SEPTIN3: variants seen among roughly 807,000 people sequenced by gnomAD.
The protein encoded by SEPTIN3 is septin 3.
SEPTIN3 carries 15 observed loss-of-function variants against 45.1 expected under a neutral mutation model. The observed-to-expected ratio is 0.33, with a 90% CI of 0.22 to 0.51. The LOEUF is 0.51. Ranked by LOEUF, SEPTIN3 falls within the 20% of genes least tolerant of loss-of-function variation. The probability of loss-of-function intolerance (pLI) is 0.97; values close to 1 mark genes in which losing one functional copy is unlikely to be tolerated. For missense variants in SEPTIN3, 289 were observed against 457.2 expected, an observed-to-expected ratio of 0.63 and a Z score of 3.35; for synonymous variants, 148 against 164.8, an observed-to-expected ratio of 0.90 and a Z score of 0.78.
chr22:41,974,083 G>C (rs1269242530), intron 2 of SEPTIN3, among the ~76,000 whole-genome samples: 5 of 150,338 alleles, frequency 3.3e-5, no homozygotes, highest in Non-Finnish European at 7.4e-5. Flanking sequence ...AATTGCTTGA[G>C]CCCAGGAGGT....
intron 2 of SEPTIN3, among the ~76,000 whole-genome samples, chr22:41,979,793 C>G (rs2078092427): frequency 6.6e-6 from 1 of 152,116 alleles, no homozygotes; most frequent in Admixed American, 6.5e-5. Flanking sequence ...GTGGAAGGAC[C>G]AGGTGGAGGG....
At chr22:41,983,546 C>T (rs1211149011) in intron 3 of SEPTIN3, among the ~76,000 whole-genome samples, 2 of 152,228 alleles carry the variant, frequency 1.3e-5, no homozygotes, top group Non-Finnish European at 2.9e-5. Flanking sequence ...GATTGTACCT[C>T]TTCAGCTCAT....
intron 6 of SEPTIN3, 152 bp downstream of exon 6, chr22:41,987,911 C>A (rs1382559275): frequency 2.8e-6 from 2 of 714,094 alleles, no homozygotes; most frequent in African/African-American, 1.8e-5. Flanking sequence ...TAGTCATGGC[C>A]CATGACCTTG....
chr22:41,983,496 C>T (rs550652005), intron 3 of SEPTIN3, among the ~76,000 whole-genome samples: 5 of 152,328 alleles, frequency 3.3e-5, no homozygotes, highest in Admixed American at 1.3e-4. Flanking sequence ...AACAAACTCT[C>T]CTTTAACCTC....
chr22:41,975,432 C>T (rs1389710681), intron 2 of SEPTIN3, among the ~76,000 whole-genome samples: 3 of 152,146 alleles, frequency 2.0e-5, no homozygotes, highest in African/African-American at 7.2e-5. Context: ...AGTCTGGGCA[C>T]CTCACCTAAA....
chr22:41,978,280 A>G (rs1448592517), intron 2 of SEPTIN3, among the ~76,000 whole-genome samples: 3 of 152,174 alleles, frequency 2.0e-5, no homozygotes, highest in Admixed American at 2.0e-4. Context: ...TCATTCATTC[A>G]TTCACTTATT....
chr22:41,971,451 C>G, intron 1 of SEPTIN3, 23 bp from the exon 2 acceptor site: 1 of 399,046 alleles, frequency 2.5e-6, no homozygotes, highest in East Asian at 3.6e-5. Flanking sequence ...TGCCTGGCCT[C>G]TTCTCTCTGT....
At chr22:41,974,320 C>T (rs564736960) in intron 2 of SEPTIN3, among the ~76,000 whole-genome samples, 110 of 152,098 alleles carry the variant, frequency 7.2e-4, no homozygotes, top group African/African-American at 2.4e-3. Flanking sequence ...CCTGTAATCC[C>T]AGCACTCTGG....
At chr22:41,974,419 C>T (rs1432873150) in intron 2 of SEPTIN3, among the ~76,000 whole-genome samples, 1 of 151,998 alleles carries the variant, frequency 6.6e-6, no homozygotes, top group Admixed American at 6.6e-5. Context: ...AATCCCAGAA[C>T]TTTGGGAGGC....
intron 7 of SEPTIN3, among the ~76,000 whole-genome samples, chr22:41,990,147 T>C (rs2078282469): frequency 6.6e-6 from 1 of 151,826 alleles, no homozygotes; most frequent in South Asian, 2.1e-4. Context: ...TTCACGCCAT[T>C]CTCCTGCCTC....
At chr22:41,980,326 C>T (rs980265604) in intron 2 of SEPTIN3, among the ~76,000 whole-genome samples, 1 of 151,980 alleles carries the variant, frequency 6.6e-6, no homozygotes, top group Non-Finnish European at 1.5e-5. Flanking sequence ...TTAATAGAGA[C>T]AGGGTTTCAC....
chr22:41,991,346 C>T (rs1347669102), intron 7 of SEPTIN3, among the ~76,000 whole-genome samples: 2 of 152,280 alleles, frequency 1.3e-5, no homozygotes, highest in East Asian at 3.9e-4. Flanking sequence ...CCTGAAGTTG[C>T]ACCTCCTGGC....
intron 7 of SEPTIN3, among the ~76,000 whole-genome samples, chr22:41,990,737 C>A (rs1355592387): frequency 1.0e-5 from 1 of 95,684 alleles, no homozygotes; most frequent in Non-Finnish European, 2.0e-5. Context: ...CAAAGTGACA[C>A]TCTATCTCAA....
chr22:41,981,721 G>A lies in SEPTIN3; in HGVS notation c.1581G>A (p.Met527Ile). ...CCAGGCCTAAGCCAGCGGTGCCCATGAAGCCCATGAGCATCAACTCCAACC... is the reference window on the plus strand; with the variant it reads ...CCAGGCCTAAGCCAGCGGTGCCCATAAAGCCCATGAGCATCAACTCCAACC... ...PEPRPKPAVPMKPMSINSNLL... is the reference protein window; with the variant it reads ...PEPRPKPAVPIKPMSINSNLL... Residue 527 changes from methionine (M) to isoleucine (I), a missense_variant, in exon 3 of 12, where the codon ATG becomes ATA. Coordinates refer to ENST00000644076, the MANE Select transcript of SEPTIN3 (RefSeq NM_001363845.2). 2 of 1,614,040 alleles carry A rather than the reference G, an allele frequency of 1.2e-6. No individual in the cohort carries two copies. The highest frequency in any genetic ancestry group is 1.7e-6 in the Non-Finnish European group (2 of 1,179,994).
At chr22:41,986,259 T>G (rs1053455759) in intron 4 of SEPTIN3, 147 bp downstream of exon 4, 2 of 895,530 alleles carry the variant, frequency 2.2e-6, no homozygotes, top group Non-Finnish European at 3.3e-6. Context: ...TGAAGCAAAC[T>G]CCTTAGACTG....
In SEPTIN3 at chr22:41,972,849, G is replaced by T; in HGVS notation, c.1357G>T (p.Gly453Cys). The stretch of plus-strand genomic sequence containing the variant: ...CCCAGCCACTGGGAAGACCACACTG[G>T]GCAGTGTTAATAACCTAACCATATC... The part of the protein sequence containing the change: ...PDPATGKTTL[G>C]SVNNLTISDV... Residue 453 changes from glycine (G) to cysteine (C), a missense_variant, in exon 2 of 12, where the codon GGC (glycine) becomes TGC (cysteine). This residue lies in a region of SEPTIN3 where 200 missense variants were observed against 315.1 expected (regional missense o/e 0.63). Coordinates refer to ENST00000644076, the MANE Select transcript of SEPTIN3 (RefSeq NM_001363845.2). 2.5e-6 allele frequency: 1 copy of T among 399,186 alleles called. No individual in the cohort carries two copies. Among genetic ancestry groups the T allele is most frequent in the East Asian group, 3.6e-5 (1 of 28,076 alleles). 24.7% of individuals were successfully genotyped at this position (399,186 alleles called of 1,614,324 possible). A position where few individuals can be genotyped will look rare whatever the true frequency, so the allele number is the denominator to read the frequency against.
At position 41,985,972 on chromosome 22, in the gene SEPTIN3, G is replaced by T. The variant is rs138722884; in HGVS notation, c.1697-12G>T. The T allele has an allele frequency of 2.6e-5, 41 of 1,599,710 alleles. No individual in the cohort carries two copies. In the East Asian group the frequency reaches 9.0e-4, roughly 35 times the overall value. On this transcript the variant is annotated splice_polypyrimidine_tract_variant and intron_variant, in intron 3 of 11. Coordinates refer to ENST00000644076, the MANE Select transcript of SEPTIN3 (RefSeq NM_001363845.2). ...CAGAGTCTCCCTACCTCCTCCTCCT[G>T]CTTTGCTGTAGGCCAGAGTGGACTG...
In SEPTIN3 at chr22:41,994,596, CT is replaced by C; in HGVS notation, c.2412-23del. ...TCTTCCTGCCCCTAATTGCAGCCCTCTTCTTCTCACCCTGTGTCCTCTAGGA... is the reference window on the plus strand; with the variant it reads ...TCTTCCTGCCCCTAATTGCAGCCCTCTCTTCTCACCCTGTGTCCTCTAGGA... On this transcript the variant is annotated intron_variant, in intron 10 of 11. Coordinates refer to ENST00000644076, the MANE Select transcript of SEPTIN3 (RefSeq NM_001363845.2). This position sits in a 1 kb window ranked among gnomAD's most constrained non-coding sequence, Gnocchi z 4.2. The C allele has an allele frequency of 1.2e-6, 2 of 1,613,744 alleles. No individual in the cohort carries two copies. The highest frequency in any genetic ancestry group is 4.5e-5 in the East Asian group (2 of 44,886).
chr22:41,993,092 G>A (rs1602422732), intron 9 of SEPTIN3, among the ~76,000 whole-genome samples: 2 of 152,196 alleles, frequency 1.3e-5, no homozygotes, highest in South Asian at 4.1e-4. Flanking sequence ...GGGTTGTTCA[G>A]GTGTTGCCAT....
Sources: allele counts gnomAD v4.1 joint callset (sites outside exome capture counted in the v4.1 genomes callset), GRCh38; gene constraint gnomAD v4.1.1; regional missense constraint gnomAD v4.1.1; non-coding constraint Gnocchi (gnomAD v3.1); transcripts MANE v1.5; gene names NCBI Gene and HGNC (gene_info 2026-07-23, HGNC 2026-07-21).